Variants in DLC1 observed in about 807,000 individuals in gnomAD.
The protein encoded by DLC1 is rho GTPase-activating protein 7.
In DLC1, 54 loss-of-function variants were observed where a neutral mutation model predicts 140.3. The ratio of observed to expected loss-of-function variants is 0.38; its 90% confidence interval spans 0.31 to 0.48. DLC1 has a LOEUF of 0.48. DLC1 is among the 20% of genes least tolerant of loss of function. DLC1 has a pLI of 0.96. For missense variants in DLC1, 2,536 were observed against 1,907.0 expected (o/e 1.33, Z -6.14); for synonymous variants, 986 against 728.1 (o/e 1.35, Z -5.70).
chr8:13,590,796 A>G (rs545278338), intron 1 of DLC1, among the ~76,000 whole-genome samples: 141 of 152,148 alleles, frequency 9.3e-4, no homozygotes, highest in Non-Finnish European at 1.8e-3. Context: ...ACTCCATGCA[A>G]TTCATAGAAT....
At chr8:13,389,186 A>G (rs1729488869) in intron 4 of DLC1, among the ~76,000 whole-genome samples, 1 of 152,028 alleles carries the variant, frequency 6.6e-6, no homozygotes, top group African/African-American at 2.4e-5. Flanking sequence ...ATATTTGATT[A>G]ATAGTGATTT....
At chr8:13,567,296 A>C (rs1804477815) in intron 1 of DLC1, 2 of 1,551,670 alleles carry the variant, frequency 1.3e-6, no homozygotes, top group Non-Finnish European at 8.7e-7. Context: ...GAACGGCACC[A>C]ACCAGACACC....
chr8:13,598,964 A>T (rs917445776), intron 1 of DLC1, among the ~76,000 whole-genome samples: 1 of 151,932 alleles, frequency 6.6e-6, no homozygotes, highest in Non-Finnish European at 1.5e-5. Context: ...AATAACCTAT[A>T]GTTATACTCT....
chr8:13,203,494 G>T (rs1827502968), intron 5 of DLC1, among the ~76,000 whole-genome samples: 1 of 152,160 alleles, frequency 6.6e-6, no homozygotes, highest in South Asian at 2.1e-4. Flanking sequence ...AATGAAGATT[G>T]AATTTCCTAT....
intron 5 of DLC1, among the ~76,000 whole-genome samples, chr8:13,178,083 T>A (rs1312516682): frequency 1.3e-5 from 2 of 152,152 alleles, no homozygotes; most frequent in African/African-American, 4.8e-5. Flanking sequence ...GTCAATCATA[T>A]ATCTGTATAG....
At position 13,535,417 on chromosome 8, in the gene DLC1, T is replaced by C. The variant is rs553473476; in HGVS notation, c.-125-35221A>G. On this transcript the variant is annotated intron_variant, in intron 1 of 1. Coordinates refer to the DLC1 transcript ENST00000631382. Reference sequence around the variant, plus strand: ...CCTGCAACTTACGATTAACACACGTTAGGTACAAATGGAATCTCCTGCTCT... The same window carrying C: ...CCTGCAACTTACGATTAACACACGTCAGGTACAAATGGAATCTCCTGCTCT... Among the ~76,000 whole-genome samples the C allele has an allele frequency of 7.2e-5, 11 of 152,256 alleles. No homozygotes were observed. In the Middle Eastern group the frequency reaches 0.01, roughly 142 times the overall value.
intron 5 of DLC1, among the ~76,000 whole-genome samples, chr8:13,230,113 A>G (rs574880863): frequency 6.6e-6 from 1 of 152,324 alleles, no homozygotes; most frequent in East Asian, 1.9e-4. Context: ...AGGTTCACTG[A>G]TTTCATGCAC....
chr8:13,197,585 A>C (rs1277641494), intron 5 of DLC1, among the ~76,000 whole-genome samples: 2 of 151,958 alleles, frequency 1.3e-5, no homozygotes, highest in African/African-American at 4.8e-5. Flanking sequence ...TGACGTTGTG[A>C]TCCTCCTGCC....
At chr8:13,138,758 C>G (rs1822751568) in intron 5 of DLC1, among the ~76,000 whole-genome samples, 1 of 152,210 alleles carries the variant, frequency 6.6e-6, no homozygotes, top group African/African-American at 2.4e-5. Flanking sequence ...TACCCCCACT[C>G]TCTACCCTAC....
At chr8:13,216,788 C>T (rs546413775) in intron 5 of DLC1, among the ~76,000 whole-genome samples, 1 of 152,222 alleles carries the variant, frequency 6.6e-6, no homozygotes, top group East Asian at 1.9e-4. Flanking sequence ...CTAGTAGACA[C>T]TAGTAGTACC....
intron 3 of DLC1, among the ~76,000 whole-genome samples, chr8:13,395,926 T>C (rs918121431): frequency 3.3e-5 from 5 of 152,020 alleles, no homozygotes; most frequent in African/African-American, 1.2e-4. Context: ...TCAAATTGGA[T>C]CAACATCAAG....
chr8:13,125,252 C>T (rs1430649107), intron 5 of DLC1, among the ~76,000 whole-genome samples: 2 of 152,350 alleles, frequency 1.3e-5, no homozygotes, highest in East Asian at 1.9e-4. Flanking sequence ...GCTGGGATTA[C>T]AGGCATGAGC....
At chr8:13,301,675 C>T (rs1437288707) in intron 5 of DLC1, among the ~76,000 whole-genome samples, 1 of 152,172 alleles carries the variant, frequency 6.6e-6, no homozygotes, top group African/African-American at 2.4e-5. Context: ...AACCCCCAAG[C>T]CCTGGACCAG....
intron 4 of DLC1, among the ~76,000 whole-genome samples, chr8:13,362,471 C>T (rs1336311138): frequency 6.6e-6 from 1 of 152,128 alleles, no homozygotes; most frequent in African/African-American, 2.4e-5. Flanking sequence ...GAGGCAGTGC[C>T]TGGAATTAGA....
At chr8:13,091,185 A>G (rs1191411512) in intron 14 of DLC1, 133 bp downstream of exon 14, 3 of 688,730 alleles carry the variant, frequency 4.4e-6, no homozygotes. Flanking sequence ...TAAATAAGAC[A>G]TTCTCAGGCT....
chr8:13,359,093 C>T (rs543106961), intron 4 of DLC1, among the ~76,000 whole-genome samples: 4 of 152,244 alleles, frequency 2.6e-5, no homozygotes, highest in African/African-American at 9.6e-5. Flanking sequence ...TGCCCGCCAC[C>T]ACGCCCGGCT....
Position 13,086,384 on chromosome 8 carries a change from C to A in DLC1, c.4372G>T (p.Gly1458Cys). 6.2e-7 allele frequency: 1 copy of A among 1,614,220 alleles called. No individual in the cohort carries two copies. The highest frequency in any genetic ancestry group is 8.5e-7 in the Non-Finnish European group (1 of 1,180,052). ...GACAAGAGCACATTAACCCTCACAC[C>A]CACCACAGGTGCGCGATCGTGATCC... ...SVDHDRAPVVGVRVNVLLSRY... is the reference protein window; with the variant it reads ...SVDHDRAPVVCVRVNVLLSRY... Residue 1458 changes from glycine (G) to cysteine (C), a missense_variant, in exon 17 of 18, where the codon GGT becomes TGT. Transcript: ENST00000276297.
intron 5 of DLC1, among the ~76,000 whole-genome samples, chr8:13,138,604 A>T (rs1822737897): frequency 6.6e-6 from 1 of 152,274 alleles, no homozygotes; most frequent in Non-Finnish European, 1.5e-5. Flanking sequence ...TGTTCAAAGG[A>T]CATACGACAA....
chr8:13,140,534 C>CT (rs568013642), intron 5 of DLC1, among the ~76,000 whole-genome samples: 3,518 of 146,032 alleles, frequency 0.024, 58 homozygotes, highest in Middle Eastern at 0.034. Context: ...GCCTGGCCAA[C>CT]TTTTTTTTTT....
Sources: allele counts gnomAD v4.1 joint callset (sites outside exome capture counted in the v4.1 genomes callset), GRCh38; gene constraint gnomAD v4.1.1; transcripts MANE v1.5; gene names NCBI Gene and HGNC (gene_info 2026-07-23, HGNC 2026-07-21).